GALNT18: variants seen among roughly 807,000 people sequenced by gnomAD.
The protein encoded by GALNT18 is GalNAc-transferase 18.
In GALNT18, 44 loss-of-function variants were observed where a neutral mutation model predicts 69.5. That is an observed-to-expected ratio of 0.63 (90% CI 0.50 to 0.81). The LOEUF (loss-of-function observed/expected upper bound fraction) is 0.81. GALNT18 is among the 40% of genes least tolerant of loss of function. The pLI is 0.00. For synonymous variants in GALNT18, 364 were observed against 318.2 expected, an observed-to-expected ratio of 1.14 and a Z score of -1.53; for missense variants, 715 against 810.0, an observed-to-expected ratio of 0.88 and a Z score of 1.42.
At chr11:11,508,456 G>A (rs1857110095) in intron 1 of GALNT18, among the ~76,000 whole-genome samples, 1 of 152,138 alleles carries the variant, frequency 6.6e-6, no homozygotes, top group Non-Finnish European at 1.5e-5. Context: ...TTCTAAGTGT[G>A]GTCACTTGAT....
At chr11:11,373,751 G>A (rs1159903640) in intron 5 of GALNT18, among the ~76,000 whole-genome samples, 1 of 152,244 alleles carries the variant, frequency 6.6e-6, no homozygotes, top group Non-Finnish European at 1.5e-5. Context: ...ATTCACATGA[G>A]GTGAGTTAGC....
intron 6 of GALNT18, among the ~76,000 whole-genome samples, chr11:11,359,937 G>T (rs917372292): frequency 1.3e-5 from 2 of 152,094 alleles, no homozygotes; most frequent in African/African-American, 2.4e-5. Context: ...ATAACAGCAT[G>T]GACCTCACAG....
chr11:11,309,554 C>G lies in GALNT18; in HGVS notation c.1513-16361G>C, dbSNP rs2133027403. 6.6e-6 allele frequency among the ~76,000 whole-genome samples: 1 copy of G among 152,208 alleles called. No homozygotes were observed. Among genetic ancestry groups the G allele is most frequent in the Non-Finnish European group, 1.5e-5 (1 of 68,018 alleles). The stretch of plus-strand genomic sequence containing the variant: ...TTCTGCCTTTTACACCCTGTAAACC[C>G]CACCTCTATAGCCTTGTTCACCTTC... On this transcript the variant is annotated intron_variant, in intron 9 of 10. Coordinates refer to ENST00000227756, the MANE Select transcript of GALNT18 (RefSeq NM_198516.3). This position sits in a 1 kb window ranked among gnomAD's most constrained non-coding sequence, Gnocchi z 4.6.
chr11:11,525,689 C>A (rs941678416), intron 1 of GALNT18, among the ~76,000 whole-genome samples: 5 of 126,300 alleles, frequency 4.0e-5, no homozygotes, highest in Non-Finnish European at 7.9e-5. Flanking sequence ...GGCTGAAGTT[C>A]AATGACACTA....
At position 11,598,826 on chromosome 11, in the gene GALNT18, T is replaced by TTTTAA. The variant is rs112560236; in HGVS notation, c.235+22532_235+22533insTTAAA. Reference sequence around the variant, plus strand: ...ACCTCAAAATAGTGTGCAATTTCCCTTTTCTTCTTCTATCCCTTGGTTATT... The same window carrying TTTTAA: ...ACCTCAAAATAGTGTGCAATTTCCCTTTTAATTTCTTCTTCTATCCCTTGGTTATT... On this transcript the variant is annotated intron_variant, in intron 1 of 10. Coordinates refer to ENST00000227756, the MANE Select transcript of GALNT18 (RefSeq NM_198516.3). This position sits in a 1 kb window ranked among gnomAD's most constrained non-coding sequence, Gnocchi z 4.8. 0.012 allele frequency among the ~76,000 whole-genome samples: 1,893 copies of TTTTAA among 152,310 alleles called. 46 individuals are homozygous for TTTTAA. Among genetic ancestry groups the TTTTAA allele is most frequent in the African/African-American group, 0.044 (1,812 of 41,580 alleles).
intron 1 of GALNT18, among the ~76,000 whole-genome samples, chr11:11,525,517 G>T (rs1857498847): frequency 6.6e-6 from 1 of 152,006 alleles, no homozygotes; most frequent in Non-Finnish European, 1.5e-5. Context: ...GTAATACACA[G>T]AATACAGGGC....
At chr11:11,578,729 G>A (rs535667083) in intron 1 of GALNT18, among the ~76,000 whole-genome samples, 10 of 152,352 alleles carry the variant, frequency 6.6e-5, no homozygotes, top group African/African-American at 2.2e-4. Context: ...AATGGGCAAC[G>A]TGATCCCCTT....
At chr11:11,353,558 A>C (rs539354085) in intron 6 of GALNT18, among the ~76,000 whole-genome samples, 1 of 152,308 alleles carries the variant, frequency 6.6e-6, no homozygotes, top group East Asian at 1.9e-4. Context: ...ACTCACTTAA[A>C]GTATTTCTTT....
chr11:11,392,064 C>T (rs892300562), intron 3 of GALNT18, among the ~76,000 whole-genome samples: 8 of 152,248 alleles, frequency 5.3e-5, no homozygotes, highest in Non-Finnish European at 1.2e-4. Flanking sequence ...GACTTTAGTA[C>T]TGTTTTTCTT....
rs867678224 is a variant in GALNT18, at chr11:11,315,773, G to A, written c.1512+11313C>T. On this transcript the variant is annotated intron_variant, in intron 9 of 10. Transcript: ENST00000227756. The surrounding 1 kb of genome is among the most constrained non-coding windows in gnomAD (Gnocchi z 5.6). Reference sequence around the variant, plus strand: ...TTGCCCCCGTCATACATGTGGTACGGGCAGAACTGGGCCTGGACCCCCAGC... The same window carrying A: ...TTGCCCCCGTCATACATGTGGTACGAGCAGAACTGGGCCTGGACCCCCAGC... Among the ~76,000 whole-genome samples, 2 of 152,040 alleles carry A rather than the reference G, an allele frequency of 1.3e-5. No homozygotes were observed. Among genetic ancestry groups the A allele is most frequent in the Non-Finnish European group, 2.9e-5 (2 of 68,010 alleles).
At chr11:11,477,667 G>C (rs1332174616) in intron 1 of GALNT18, among the ~76,000 whole-genome samples, 1 of 152,172 alleles carries the variant, frequency 6.6e-6, no homozygotes, top group Non-Finnish European at 1.5e-5. Context: ...TGATTAAATA[G>C]CACTGGACCC....
At chr11:11,358,072 G>A (rs1850567357) in intron 6 of GALNT18, among the ~76,000 whole-genome samples, 1 of 142,496 alleles carries the variant, frequency 7.0e-6, no homozygotes, top group Admixed American at 6.9e-5. Flanking sequence ...CACTGTCCCT[G>A]CCTCCATCTC....
chr11:11,501,678 T>G (rs1399845725), intron 1 of GALNT18, among the ~76,000 whole-genome samples: 1 of 152,146 alleles, frequency 6.6e-6, no homozygotes, highest in Non-Finnish European at 1.5e-5. Flanking sequence ...GGAAAGTGCC[T>G]TGACAACCAG....
In GALNT18 at chr11:11,494,987, C is replaced by G. The variant is rs953235939; in HGVS notation, c.236-46051G>C. On this transcript the variant is annotated intron_variant, in intron 1 of 10. Transcript: ENST00000227756. This position sits in a 1 kb window ranked among gnomAD's most constrained non-coding sequence, Gnocchi z 5.7. The stretch of plus-strand genomic sequence containing the variant: ...AATGTAGAAGCCCAGCATGAATCTT[C>G]AAGAGCATCCTGGTTTTGCCTAGGG... Among the ~76,000 whole-genome samples the G allele has an allele frequency of 1.3e-5, 2 of 151,362 alleles. No individual in the cohort carries two copies. Among genetic ancestry groups the G allele is most frequent in the Admixed American group, 6.6e-5 (1 of 15,214 alleles).
intron 3 of GALNT18, among the ~76,000 whole-genome samples, chr11:11,405,671 G>A (rs920691437): frequency 6.6e-6 from 1 of 152,202 alleles, no homozygotes; most frequent in Non-Finnish European, 1.5e-5. Flanking sequence ...CACAAGTGGG[G>A]GCCCTCTGAG....
chr11:11,601,299 G>T lies in GALNT18; in HGVS notation c.235+20060C>A, dbSNP rs187207142. Among the ~76,000 whole-genome samples the T allele has an allele frequency of 3.7e-3, 564 of 152,244 alleles. 7 individuals carry two copies. Among genetic ancestry groups the T allele is most frequent in the Non-Finnish European group, 3.6e-3 (246 of 68,026 alleles). On this transcript the variant is annotated intron_variant, in intron 1 of 10. Transcript: ENST00000227756. The surrounding 1 kb of genome is among the most constrained non-coding windows in gnomAD (Gnocchi z 4.0). ...CTATATACTTGTTTACTTGTTTACC[G>T]CATTGGATGGGCTACTTCAGTGAAG...
Position 11,604,758 on chromosome 11 carries a change from A to G in GALNT18, c.235+16601T>C, listed in dbSNP as rs1038344569. 6.6e-6 allele frequency among the ~76,000 whole-genome samples: 1 copy of G among 152,184 alleles called. No homozygotes were observed. Among genetic ancestry groups the G allele is most frequent in the African/African-American group, 2.4e-5 (1 of 41,450 alleles). On this transcript the variant is annotated intron_variant, in intron 1 of 10. Transcript: ENST00000227756. This position sits in a 1 kb window ranked among gnomAD's most constrained non-coding sequence, Gnocchi z 5.6. ...CTGCCCCAGGGAAGAATCAGCCTCAATGACAGTTTGGTATTAACTAGCTCA... is the reference window on the plus strand; with the variant it reads ...CTGCCCCAGGGAAGAATCAGCCTCAGTGACAGTTTGGTATTAACTAGCTCA...
rs146029986 is a variant in GALNT18 at position 11,429,414 on chromosome 11, G to T, written c.595+3207C>A. ...TGACCTCCTCTCCTTCCAGTCAATG[G>T]CTTTAATTACTCCACGCGTGAGACT... On this transcript the variant is annotated intron_variant, in intron 3 of 10. Transcript: ENST00000227756. Among the ~76,000 whole-genome samples the T allele has an allele frequency of 1.3e-3, 199 of 152,212 alleles. 1 individual carries two copies. Among genetic ancestry groups the T allele is most frequent in the African/African-American group, 4.5e-3 (186 of 41,530 alleles).
intron 1 of GALNT18, among the ~76,000 whole-genome samples, chr11:11,594,093 C>A (rs1432414873): frequency 2.0e-5 from 3 of 152,178 alleles, no homozygotes; most frequent in African/African-American, 7.2e-5. Context: ...ATTTGTGTAT[C>A]TATACATGAG....
Sources: allele counts gnomAD v4.1 joint callset (sites outside exome capture counted in the v4.1 genomes callset), GRCh38; gene constraint gnomAD v4.1.1; non-coding constraint Gnocchi (gnomAD v3.1); transcripts MANE v1.5; gene names NCBI Gene and HGNC (gene_info 2026-07-23, HGNC 2026-07-21).